The following ELF2 variants were observed in gnomAD, a reference collection of about 807,000 sequenced individuals.
The protein encoded by ELF2 is E74 like ETS transcription factor 2.
ELF2 carries 11 observed loss-of-function variants against 54.8 expected under a neutral mutation model. That is an observed-to-expected ratio of 0.20 (90% CI 0.13 to 0.33). ELF2 has a LOEUF of 0.33. Ranked by LOEUF, ELF2 falls within the 10% of genes least tolerant of loss-of-function variation. The pLI, the probability that ELF2 is intolerant of heterozygous loss-of-function variation, is 1.00. For synonymous variants in ELF2, 203 were observed against 245.1 expected (o/e 0.83, Z 1.61); for missense variants, 513 against 703.0 (o/e 0.73, Z 3.06).
chr4:139,137,337 G>A, intron 3 of ELF2: 2 of 437,960 alleles, frequency 4.6e-6, no homozygotes, highest in East Asian at 4.0e-5. Flanking sequence ...AAGACAATGG[G>A]TTTTATGAGG....
At chr4:139,091,191 A>G (rs961820603) in intron 4 of ELF2, among the ~76,000 whole-genome samples, 1 of 152,154 alleles carries the variant, frequency 6.6e-6, no homozygotes, top group Non-Finnish European at 1.5e-5. Flanking sequence ...CGGCCTCCCA[A>G]AATATTGGGA....
intron 1 of ELF2, among the ~76,000 whole-genome samples, chr4:139,145,542 G>C (rs1383813959): frequency 6.6e-6 from 1 of 152,190 alleles, no homozygotes; most frequent in African/African-American, 2.4e-5. Context: ...ATTCTATGAA[G>C]TCAGTATCAC....
At position 139,058,745 on chromosome 4, in the gene ELF2, A is replaced by G. The variant is rs1195209177; in HGVS notation, c.*238T>C. On this transcript the variant is annotated 3_prime_UTR_variant, in exon 10 of 10. Coordinates refer to ENST00000686138, the MANE Select transcript of ELF2 (RefSeq NM_001331036.3). ...TTGGTCCCTTTCGATCCTTTTTCTT[A>G]TTGATGGGTTCAGTTGTTTCCTACT... is the stretch of plus-strand genomic sequence containing the variant. The G allele has an allele frequency of 2.1e-6, 1 of 470,620 alleles. No individual in the cohort carries two copies. The highest frequency in any genetic ancestry group is 3.6e-6 in the Non-Finnish European group (1 of 275,108). The allele number at this position is 470,620 out of a possible 1,614,324, so 29.2% of individuals were successfully genotyped here.
chr4:139,150,178 TAATAAAAATACA>T (rs968424647), intron 1 of ELF2, among the ~76,000 whole-genome samples: 1 of 151,846 alleles, frequency 6.6e-6, no homozygotes, highest in African/African-American at 2.4e-5. Flanking sequence ...CTAAAAATAC[TAATAAAAATACA>T]AAATGTCTCT....
At chr4:139,098,893 TA>T (rs1287701829) in intron 4 of ELF2, among the ~76,000 whole-genome samples, 1 of 152,254 alleles carries the variant, frequency 6.6e-6, no homozygotes, top group Non-Finnish European at 1.5e-5. Flanking sequence ...TAGATAACTT[TA>T]ATATAATTTC....
chr4:139,118,063 T>C (rs2148823366), intron 4 of ELF2: 1 of 155,230 alleles, frequency 6.4e-6, no homozygotes, highest in African/African-American at 2.4e-5. Context: ...TGGTTCTTGA[T>C]TATACTACAA....
intron 1 of ELF2, among the ~76,000 whole-genome samples, chr4:139,144,065 A>C (rs1738975574): frequency 6.6e-6 from 1 of 152,104 alleles, no homozygotes; most frequent in African/African-American, 2.4e-5. Flanking sequence ...AACTTTTTTC[A>C]AAGAAGCAAT....
Position 139,060,687 on chromosome 4 carries a change from A to T in ELF2, c.807-13T>A. ...TTGGTAGTAGTATCTGTAAGGGGAA[A>T]ATGTACCAAATGAATCAAGTATATT... On this transcript the variant is annotated splice_polypyrimidine_tract_variant and intron_variant, in intron 8 of 9. Transcript: ENST00000686138. 6.4e-7 allele frequency: 1 copy of T among 1,554,834 alleles called. No homozygotes were observed. Among genetic ancestry groups the T allele is most frequent in the East Asian group, 2.3e-5 (1 of 44,432 alleles).
rs373645663 is a variant in ELF2 at position 139,061,999 on chromosome 4, A to G, written c.672T>C (p.Cys224=). The G allele has an allele frequency of 1.2e-6, 2 of 1,614,046 alleles. No individual in the cohort carries two copies. Among genetic ancestry groups the G allele is most frequent in the Non-Finnish European group, 1.7e-6 (2 of 1,179,984 alleles). Residue 224 remains cysteine (C), a synonymous_variant, in exon 8 of 10, where the codon TGT becomes TGC. Transcript: ENST00000686138. ...LLDLLQDKNT[C]PRYIKWTQRE... Reference sequence around the variant, plus strand: ...TCTGAGTCCATTTAATATACCTGGGACAAGTATTTTTATCTTGAAGTAGAT... The same window carrying G: ...TCTGAGTCCATTTAATATACCTGGGGCAAGTATTTTTATCTTGAAGTAGAT...
chr4:139,123,200 C>T (rs1024071628), intron 4 of ELF2, among the ~76,000 whole-genome samples: 8 of 150,880 alleles, frequency 5.3e-5, no homozygotes, highest in African/African-American at 1.9e-4. Context: ...AAAAAAAAAT[C>T]CGTGAGCCAG....
chr4:139,068,917 C>G (rs922925242), intron 6 of ELF2, among the ~76,000 whole-genome samples: 3 of 151,736 alleles, frequency 2.0e-5, no homozygotes, highest in African/African-American at 7.3e-5. Flanking sequence ...CTCACTCTGT[C>G]ACCCAGACTG....
intron 4 of ELF2, among the ~76,000 whole-genome samples, chr4:139,082,273 T>C (rs894031557): frequency 6.6e-6 from 1 of 152,240 alleles, no homozygotes; most frequent in African/African-American, 2.4e-5. Flanking sequence ...AGAAATATCA[T>C]TGACCCAACA....
At chr4:139,151,172 CATCA>C (rs1379899647) in intron 1 of ELF2, among the ~76,000 whole-genome samples, 4 of 151,788 alleles carry the variant, frequency 2.6e-5, no homozygotes, top group Non-Finnish European at 5.9e-5. Flanking sequence ...TACTGCCTCT[CATCA>C]ATCACAAAAT....
intron 4 of ELF2, among the ~76,000 whole-genome samples, chr4:139,080,844 T>C (rs1362219354): frequency 1.3e-5 from 2 of 151,984 alleles, no homozygotes; most frequent in African/African-American, 4.8e-5. Context: ...AAGTTCCAAT[T>C]TGGCACACAT....
chr4:139,090,994 C>T (rs1457936484), intron 4 of ELF2, among the ~76,000 whole-genome samples: 3 of 152,096 alleles, frequency 2.0e-5, no homozygotes, highest in South Asian at 4.1e-4. Flanking sequence ...AGTGCAGTGG[C>T]GCAATCTGGG....
At chr4:139,068,928 G>A (rs1001955376) in intron 6 of ELF2, among the ~76,000 whole-genome samples, 2 of 151,572 alleles carry the variant, frequency 1.3e-5, no homozygotes, top group African/African-American at 4.9e-5. Context: ...ACCCAGACTG[G>A]AGCGCAGTGA....
chr4:139,087,659 G>C (rs762739183), intron 4 of ELF2, among the ~76,000 whole-genome samples: 4 of 152,076 alleles, frequency 2.6e-5, no homozygotes, highest in Middle Eastern at 3.2e-3. Context: ...TAGAGATGGG[G>C]TTTGACCGTG....
Position 139,082,956 on chromosome 4 carries a change from C to T in ELF2, c.239-9389G>A, listed in dbSNP as rs1414022116. On this transcript the variant is annotated intron_variant, in intron 4 of 9. Coordinates refer to ENST00000686138, the MANE Select transcript of ELF2 (RefSeq NM_001331036.3). ...AGCAGTGGCGCCGCACATCCCCCAC[C>T]CCTGCGGCCACTTCCGTGTTTACAC... 2.6e-5 allele frequency among the ~76,000 whole-genome samples: 4 copies of T among 152,240 alleles called. No individual in the cohort carries two copies. In the East Asian group the frequency reaches 5.8e-4, roughly 22 times the overall value.
chr4:139,115,464 C>G (rs545934907), intron 4 of ELF2: 1 of 927,736 alleles, frequency 1.1e-6, no homozygotes, highest in Non-Finnish European at 1.3e-6. Flanking sequence ...TAGCTCGCCG[C>G]GGCGAGGGCA....
Sources: allele counts gnomAD v4.1 joint callset (sites outside exome capture counted in the v4.1 genomes callset), GRCh38; gene constraint gnomAD v4.1.1; transcripts MANE v1.5; gene names NCBI Gene and HGNC (gene_info 2026-07-23, HGNC 2026-07-21).